Variants in TMEFF1 observed in about 807,000 individuals in gnomAD.
TMEFF1 encodes the protein tomoregulin-1.
A neutral mutation model predicts 47.5 loss-of-function variants in TMEFF1; 20 were observed. The ratio of observed to expected loss-of-function variants is 0.42; its 90% CI spans 0.30 to 0.61. The LOEUF is 0.61. Among genes scored for constraint, TMEFF1 ranks in the 20% least tolerant of loss-of-function variants. The pLI, the probability that TMEFF1 is intolerant of heterozygous loss-of-function variation, is 0.19. For synonymous variants in TMEFF1, 162 were observed against 166.3 expected (o/e 0.97, Z 0.20); for missense variants, 411 against 471.1 (o/e 0.87, Z 1.18).
chr9:100,481,359 G>A (rs772415120), intron 1 of TMEFF1, among the ~76,000 whole-genome samples: 6 of 152,152 alleles, frequency 3.9e-5, no homozygotes, highest in Non-Finnish European at 7.3e-5. Flanking sequence ...ATTTATTTGT[G>A]GAATAGATTA....
At chr9:100,555,355 G>A (rs548944418) in intron 7 of TMEFF1, among the ~76,000 whole-genome samples, 14 of 152,284 alleles carry the variant, frequency 9.2e-5, no homozygotes, top group Admixed American at 3.3e-4. Context: ...ACCATGTTAT[G>A]TTACATCTTT....
At chr9:100,574,911 A>G (rs975191762) in intron 9 of TMEFF1, among the ~76,000 whole-genome samples, 1 of 151,962 alleles carries the variant, frequency 6.6e-6, no homozygotes, top group African/African-American at 2.4e-5. Flanking sequence ...TCTAGTTTAT[A>G]CTCCAGATCC....
chr9:100,510,238 G>T (rs1303795495), intron 3 of TMEFF1, among the ~76,000 whole-genome samples: 1 of 152,180 alleles, frequency 6.6e-6, no homozygotes. Context: ...TGCTAGAAGG[G>T]CTAACAGACT....
intron 5 of TMEFF1, among the ~76,000 whole-genome samples, chr9:100,538,382 G>A (rs1394742432): frequency 2.0e-5 from 3 of 152,230 alleles, no homozygotes; most frequent in Non-Finnish European, 2.9e-5. Context: ...CAGTACAGTC[G>A]TCTGTCAGTA....
chr9:100,542,363 A>G (rs1274564101), intron 5 of TMEFF1, among the ~76,000 whole-genome samples: 1 of 152,176 alleles, frequency 6.6e-6, no homozygotes, highest in Non-Finnish European at 1.5e-5. Flanking sequence ...TTACCCATGT[A>G]TTTAGACCTT....
intron 7 of TMEFF1, among the ~76,000 whole-genome samples, chr9:100,554,851 G>T (rs1159712861): frequency 6.6e-6 from 1 of 152,032 alleles, no homozygotes; most frequent in Non-Finnish European, 1.5e-5. Context: ...GAGCCCTAGG[G>T]TTACTGATGC....
intron 6 of TMEFF1, among the ~76,000 whole-genome samples, chr9:100,548,787 T>C (rs1461307570): frequency 1.3e-5 from 2 of 152,232 alleles, no homozygotes; most frequent in Non-Finnish European, 1.5e-5. Flanking sequence ...ACCTCTGGTC[T>C]AAACTACCAA....
chr9:100,474,800 C>G (rs543086912), intron 1 of TMEFF1, among the ~76,000 whole-genome samples: 7 of 152,186 alleles, frequency 4.6e-5, no homozygotes, highest in Non-Finnish European at 7.4e-5. Context: ...CCGCTTGCCC[C>G]CCCACAGCTG....
chr9:100,550,640 C>A (rs1489952129), intron 7 of TMEFF1, among the ~76,000 whole-genome samples: 3 of 152,124 alleles, frequency 2.0e-5, no homozygotes, highest in Non-Finnish European at 4.4e-5. Context: ...TATTAGATGC[C>A]TTTCCTGTAT....
chr9:100,530,064 T>C (rs1838346724), intron 5 of TMEFF1, among the ~76,000 whole-genome samples: 1 of 151,466 alleles, frequency 6.6e-6, no homozygotes, highest in Non-Finnish European at 1.5e-5. Context: ...AGGCACAACA[T>C]ACCAGAATCT....
chr9:100,510,981 C>T (rs931362971), intron 3 of TMEFF1, among the ~76,000 whole-genome samples: 1 of 152,172 alleles, frequency 6.6e-6, no homozygotes, highest in African/African-American at 2.4e-5. Context: ...GGTCAGCACC[C>T]TCCCTTAACA....
At chr9:100,484,084 C>T (rs1837399914) in intron 1 of TMEFF1, among the ~76,000 whole-genome samples, 1 of 151,906 alleles carries the variant, frequency 6.6e-6, no homozygotes, top group Non-Finnish European at 1.5e-5. Context: ...ATCATAGGAC[C>T]CAACCTTTTC....
At chr9:100,549,208 A>G (rs1178474507) in intron 6 of TMEFF1, among the ~76,000 whole-genome samples, 2 of 152,216 alleles carry the variant, frequency 1.3e-5, no homozygotes. Flanking sequence ...CAATCATGGT[A>G]GATGGCAAAG....
intron 2 of TMEFF1, among the ~76,000 whole-genome samples, chr9:100,500,370 C>G (rs1837735895): frequency 6.6e-6 from 1 of 152,032 alleles, no homozygotes; most frequent in Non-Finnish European, 1.5e-5. Context: ...TTCTTATAAT[C>G]TGGGACTTCC....
intron 5 of TMEFF1, among the ~76,000 whole-genome samples, chr9:100,527,751 G>GGCCT (rs1420212749): frequency 6.6e-6 from 1 of 152,214 alleles, no homozygotes; most frequent in Admixed American, 6.5e-5. Flanking sequence ...AGCTCAAGGA[G>GGCCT]GCCTGCCTGC....
chr9:100,561,359 G>A lies in TMEFF1; in HGVS notation c.776-38G>A, dbSNP rs374183440. 130 of 1,589,482 alleles carry A rather than the reference G, an allele frequency of 8.2e-5. No individual in the cohort carries two copies. In the African/African-American group the frequency reaches 1.3e-3, roughly 16 times the overall value. ...GAAAAGTCCTTATTTTTCAGCTTGC[G>A]TTTCATTGTTGAACGATCTGGTTTA... On this transcript the variant is annotated intron_variant, in intron 7 of 9. Transcript: ENST00000374879.
At chr9:100,543,674 A>G (rs914810126) in intron 5 of TMEFF1, among the ~76,000 whole-genome samples, 1 of 151,498 alleles carries the variant, frequency 6.6e-6, no homozygotes, top group Non-Finnish European at 1.5e-5. Flanking sequence ...CACATAAAAT[A>G]AACTAACACT....
intron 5 of TMEFF1, among the ~76,000 whole-genome samples, chr9:100,533,162 G>A (rs564264824): frequency 5.9e-5 from 9 of 151,632 alleles, no homozygotes; most frequent in South Asian, 2.1e-4. Flanking sequence ...TGGGTGCAGC[G>A]CACCAGCATG....
intron 1 of TMEFF1, among the ~76,000 whole-genome samples, chr9:100,478,581 A>G (rs1837277934): frequency 6.6e-6 from 1 of 152,166 alleles, no homozygotes; most frequent in African/African-American, 2.4e-5. Flanking sequence ...CTTATTCTGG[A>G]CTTTAGACTT....
Sources: gnomAD v4.1 joint callset for allele counts (sites outside exome capture counted in the v4.1 genomes callset) on GRCh38, gnomAD v4.1.1 for gene constraint, MANE v1.5 for transcripts, NCBI Gene and HGNC (gene_info 2026-07-23, HGNC 2026-07-21) for gene names.